The following COX7B2 variants were observed in gnomAD, a reference collection of about 807,000 sequenced individuals.
The protein encoded by COX7B2 is cytochrome c oxidase subunit 7B2, mitochondrial.
For synonymous variants in COX7B2, 37 were observed against 32.1 expected (o/e 1.15, Z -0.51); for missense variants, 109 against 95.9 (o/e 1.14, Z -0.57).
At chr4:46,775,720 C>A (rs922158854) in intron 2 of COX7B2, among the ~76,000 whole-genome samples, 4 of 151,942 alleles carry the variant, frequency 2.6e-5, no homozygotes, top group African/African-American at 9.7e-5. Context: ...TTCAATGGGG[C>A]TAAAGTATTA....
intron 1 of COX7B2, among the ~76,000 whole-genome samples, chr4:46,853,311 TAAC>T (rs1171056348): frequency 6.6e-6 from 1 of 152,184 alleles, no homozygotes; most frequent in Non-Finnish European, 1.5e-5. Context: ...CTAATCCACA[TAAC>T]AACACAGGAT....
intron 2 of COX7B2, among the ~76,000 whole-genome samples, chr4:46,803,694 T>C (rs2109633736): frequency 6.6e-6 from 1 of 152,084 alleles, no homozygotes; most frequent in Middle Eastern, 3.4e-3. Flanking sequence ...ATCACAATTG[T>C]TGTTGCTCAT....
At chr4:46,776,346 G>A (rs1368303191) in intron 2 of COX7B2, among the ~76,000 whole-genome samples, 1 of 151,590 alleles carries the variant, frequency 6.6e-6, no homozygotes, top group Non-Finnish European at 1.5e-5. Flanking sequence ...ATATCCTAAT[G>A]GCCATAAGAG....
At chr4:46,843,140 C>T (rs1716049676) in intron 2 of COX7B2, among the ~76,000 whole-genome samples, 1 of 152,038 alleles carries the variant, frequency 6.6e-6, no homozygotes, top group East Asian at 1.9e-4. Flanking sequence ...ATTTGCATTT[C>T]TCTGATGGCC....
intron 2 of COX7B2, among the ~76,000 whole-genome samples, chr4:46,843,916 A>G (rs890701461): frequency 6.6e-6 from 1 of 151,988 alleles, no homozygotes; most frequent in African/African-American, 2.4e-5. Context: ...TTTGGCTGCA[A>G]TTCTATGGGG....
At chr4:46,840,331 G>A (rs1451601711) in intron 2 of COX7B2, among the ~76,000 whole-genome samples, 4 of 151,946 alleles carry the variant, frequency 2.6e-5, no homozygotes, top group Non-Finnish European at 5.9e-5. Flanking sequence ...CCAACAAGGA[G>A]AATTAGAAAA....
intron 2 of COX7B2, among the ~76,000 whole-genome samples, chr4:46,812,639 A>T (rs1480923808): frequency 1.3e-5 from 2 of 152,114 alleles, no homozygotes; most frequent in African/African-American, 4.8e-5. Flanking sequence ...CTTCCAGAAG[A>T]GGGGGGATGT....
intron 2 of COX7B2, among the ~76,000 whole-genome samples, chr4:46,805,346 C>T (rs1034316100): frequency 2.6e-5 from 4 of 152,242 alleles, no homozygotes; most frequent in East Asian, 1.9e-4. Flanking sequence ...AGCACGCTGT[C>T]ACCTCTCAAT....
intron 1 of COX7B2, among the ~76,000 whole-genome samples, chr4:46,877,100 A>C (rs1718389527): frequency 6.6e-6 from 1 of 152,206 alleles, no homozygotes; most frequent in Admixed American, 6.5e-5. Flanking sequence ...AATGATCTAA[A>C]ATTCCTAAAT....
chr4:46,741,262 T>C (rs1714687232), intron 2 of COX7B2, among the ~76,000 whole-genome samples: 1 of 152,096 alleles, frequency 6.6e-6, no homozygotes, highest in Admixed American at 6.6e-5. Context: ...AAGGGGTATA[T>C]CAGGGTTTCC....
intron 2 of COX7B2, among the ~76,000 whole-genome samples, chr4:46,777,768 G>T (rs1717238228): frequency 1.3e-5 from 2 of 152,122 alleles, no homozygotes; most frequent in Admixed American, 6.6e-5. Context: ...CATTGCAGCT[G>T]GTTCAGTCCT....
In COX7B2 at chr4:46,828,752, A is replaced by C. The variant is rs113171885; in HGVS notation, c.-50+16208T>G. Among the ~76,000 whole-genome samples the C allele has an allele frequency of 2.9e-3, 448 of 152,282 alleles. 5 individuals carry two copies. The highest frequency in any genetic ancestry group is 0.01 in the African/African-American group (422 of 41,580). Reference sequence around the variant, plus strand: ...CAAATGAAAACATGAACACATCAATATATGGAGTAATATTATATAGTTTTC... The same window carrying C: ...CAAATGAAAACATGAACACATCAATCTATGGAGTAATATTATATAGTTTTC... On this transcript the variant is annotated intron_variant, in intron 2 of 2. Transcript: ENST00000355591.
chr4:46,804,443 G>A (rs909558551), intron 2 of COX7B2, among the ~76,000 whole-genome samples: 6 of 152,054 alleles, frequency 3.9e-5, no homozygotes, highest in African/African-American at 9.7e-5. Flanking sequence ...TGATTGGTCC[G>A]TTGTGACAGG....
chr4:46,843,826 G>T (rs1286598371), intron 2 of COX7B2, among the ~76,000 whole-genome samples: 1 of 151,914 alleles, frequency 6.6e-6, no homozygotes, highest in African/African-American at 2.4e-5. Context: ...CTTTCACTTT[G>T]CAAGAGTGGT....
chr4:46,825,433 T>C (rs527861051), intron 2 of COX7B2, among the ~76,000 whole-genome samples: 8 of 152,228 alleles, frequency 5.3e-5, no homozygotes, highest in African/African-American at 1.9e-4. Flanking sequence ...GAAGAATCCA[T>C]GTTATTAAAA....
chr4:46,778,886 G>A (rs1311535122), intron 2 of COX7B2, among the ~76,000 whole-genome samples: 1 of 152,114 alleles, frequency 6.6e-6, no homozygotes, highest in East Asian at 1.9e-4. Flanking sequence ...AATATTTTAT[G>A]TGGCAAATAT....
intron 1 of COX7B2, among the ~76,000 whole-genome samples, chr4:46,870,194 T>C (rs1003507927): frequency 7.9e-5 from 12 of 152,108 alleles, no homozygotes; most frequent in Non-Finnish European, 1.8e-4. Context: ...GTAAAATCAA[T>C]AAATGTGATT....
intron 2 of COX7B2, among the ~76,000 whole-genome samples, chr4:46,753,743 G>C (rs112144426): frequency 0.33 from 49,067 of 150,810 alleles, 8,223 homozygotes; most frequent in South Asian, 0.47. Context: ...AGCTTCTGCA[G>C]AGCAAAAGAA....
chr4:46,772,748 T>A (rs553141806), intron 2 of COX7B2, among the ~76,000 whole-genome samples: 41 of 152,102 alleles, frequency 2.7e-4, no homozygotes, highest in Non-Finnish European at 4.6e-4. Context: ...TGCAGGATTG[T>A]TTTGGTTTCA....
Sources: allele counts gnomAD v4.1 joint callset (sites outside exome capture counted in the v4.1 genomes callset), GRCh38; gene constraint gnomAD v4.1.1; transcripts MANE v1.5; gene names NCBI Gene and HGNC (gene_info 2026-07-23, HGNC 2026-07-21).